The following UHRF2 variants were observed in gnomAD, a reference collection of about 807,000 sequenced individuals.
UHRF2 encodes E3 ubiquitin-protein ligase UHRF2.
Under a neutral mutation model 96.8 loss-of-function variants are expected in UHRF2, and 23 were observed. That is an observed-to-expected ratio of 0.24 (90% CI 0.17 to 0.34). The LOEUF (loss-of-function observed/expected upper bound fraction) is 0.34. UHRF2 is among the 10% of genes least tolerant of loss of function. The pLI, the probability that UHRF2 is intolerant of heterozygous loss-of-function variation, is 1.00. For synonymous variants in UHRF2, 385 were observed against 332.6 expected, an observed-to-expected ratio of 1.16 and a Z score of -1.72; for missense variants, 685 against 981.5, an observed-to-expected ratio of 0.70 and a Z score of 4.04.
intron 3 of UHRF2, among the ~76,000 whole-genome samples, chr9:6,445,130 T>TAAAAA (rs34294660): frequency 8.8e-6 from 1 of 114,136 alleles, no homozygotes; most frequent in Admixed American, 9.6e-5. Flanking sequence ...ATCTCTTATT[T>TAAAAA]AAAAAAAAAA....
chr9:6,468,407 C>A (rs1823006915), intron 4 of UHRF2: 1 of 455,618 alleles, frequency 2.2e-6, no homozygotes, highest in Non-Finnish European at 4.4e-6. Context: ...ACTAAATAGC[C>A]CGATCAAATA....
At chr9:6,471,959 C>T (rs939346444) in intron 4 of UHRF2, among the ~76,000 whole-genome samples, 38 of 152,130 alleles carry the variant, frequency 2.5e-4, no homozygotes, top group African/African-American at 9.2e-4. Flanking sequence ...AGTAAGCTTC[C>T]ATGCTGTCTT....
chr9:6,418,444 A>G (rs767841748), intron 1 of UHRF2, among the ~76,000 whole-genome samples: 2 of 151,942 alleles, frequency 1.3e-5, no homozygotes, highest in African/African-American at 2.4e-5. Context: ...CCCTTGTTCT[A>G]CTTGACAAAT....
At chr9:6,487,404 T>A (rs1311542123) in intron 9 of UHRF2, among the ~76,000 whole-genome samples, 1 of 152,030 alleles carries the variant, frequency 6.6e-6, no homozygotes, top group Non-Finnish European at 1.5e-5. Flanking sequence ...TTTACTCTTG[T>A]CACCTAGACT....
At chr9:6,481,513 A>C in intron 6 of UHRF2, 130 bp from the exon 7 acceptor site, 1 of 1,006,450 alleles carries the variant, frequency 9.9e-7, no homozygotes, top group South Asian at 2.4e-5. Flanking sequence ...TTTTAATGCC[A>C]GTTAAAGCTC....
At chr9:6,425,464 A>G (rs1375070712) in intron 2 of UHRF2, among the ~76,000 whole-genome samples, 1 of 152,046 alleles carries the variant, frequency 6.6e-6, no homozygotes, top group Non-Finnish European at 1.5e-5. Context: ...TTAATTGTCA[A>G]AGGATAGAGG....
At chr9:6,443,577 C>G (rs769793335) in intron 3 of UHRF2, among the ~76,000 whole-genome samples, 1 of 152,144 alleles carries the variant, frequency 6.6e-6, no homozygotes, top group Non-Finnish European at 1.5e-5. Flanking sequence ...CTGTTTATCT[C>G]TCTAGTCAGA....
intron 10 of UHRF2, chr9:6,496,288 C>T (rs926185484): frequency 6.6e-6 from 1 of 152,044 alleles, no homozygotes; most frequent in Non-Finnish European, 1.5e-5. Context: ...TCAGTGTTTT[C>T]TTTTCACTTA....
chr9:6,476,525 T>C (rs1466819972), intron 5 of UHRF2, among the ~76,000 whole-genome samples: 1 of 152,196 alleles, frequency 6.6e-6, no homozygotes, highest in Non-Finnish European at 1.5e-5. Flanking sequence ...TTACTTGATA[T>C]CAAATATTTG....
chr9:6,434,241 A>C (rs1820707548), intron 3 of UHRF2, 68 bp downstream of exon 3: 6 of 1,498,428 alleles, frequency 4.0e-6, no homozygotes, highest in Non-Finnish European at 4.5e-6. Context: ...CTTCTATTTC[A>C]AGATTATTTT....
At chr9:6,498,236 A>C in intron 12 of UHRF2, 78 bp downstream of exon 12, 1 of 1,463,164 alleles carries the variant, frequency 6.8e-7, no homozygotes. Context: ...TTAACACTGG[A>C]TATAACCCAC....
At chr9:6,427,178 C>G (rs994841140) in intron 2 of UHRF2, among the ~76,000 whole-genome samples, 1 of 152,014 alleles carries the variant, frequency 6.6e-6, no homozygotes, top group Non-Finnish European at 1.5e-5. Flanking sequence ...TTGCTTTTGT[C>G]TTGAATTCTT....
At chr9:6,469,115 T>TA (rs958534990) in intron 4 of UHRF2, among the ~76,000 whole-genome samples, 11 of 152,366 alleles carry the variant, frequency 7.2e-5, no homozygotes, top group African/African-American at 2.6e-4. Flanking sequence ...CTGTGATTAA[T>TA]ATGCTGAAAA....
chr9:6,489,443 C>T (rs1297711747), intron 9 of UHRF2, among the ~76,000 whole-genome samples: 1 of 152,188 alleles, frequency 6.6e-6, no homozygotes, highest in Non-Finnish European at 1.5e-5. Context: ...AGTGCAATTC[C>T]TGGGTCATAT....
chr9:6,497,663 C>G (rs1217584998), intron 11 of UHRF2, among the ~76,000 whole-genome samples: 1 of 151,334 alleles, frequency 6.6e-6, no homozygotes, highest in Non-Finnish European at 1.5e-5. Flanking sequence ...TTTTATATAT[C>G]TTTTTGAATG....
At chr9:6,432,324 T>G (rs182065867) in intron 2 of UHRF2, among the ~76,000 whole-genome samples, 1 of 152,330 alleles carries the variant, frequency 6.6e-6, no homozygotes, top group Admixed American at 6.5e-5. Context: ...TAGTTTTTGT[T>G]TAGTCTGTAT....
chr9:6,413,653 G>T lies in UHRF2; in HGVS notation c.153+10G>T. The T allele has an allele frequency of 6.5e-7, 1 of 1,547,942 alleles. No homozygotes were observed. The highest frequency in any genetic ancestry group is 8.7e-7 in the Non-Finnish European group (1 of 1,151,740). On this transcript the variant is annotated intron_variant, in intron 1 of 15. Transcript: ENST00000276893. ...CTACCGGGGCAAGCAGGTGAGGCGC[G>T]CCCGCCGCGCCCCTAGCGAGGCTGG...
chr9:6,467,595 GTTTT>G (rs34366483), intron 4 of UHRF2, among the ~76,000 whole-genome samples: 1 of 99,170 alleles, frequency 1.0e-5, no homozygotes, highest in African/African-American at 4.2e-5. Context: ...CGAGAGAATA[GTTTT>G]TTTTTTTTTT....
At chr9:6,454,002 A>G (rs1822027346) in intron 3 of UHRF2, among the ~76,000 whole-genome samples, 1 of 149,802 alleles carries the variant, frequency 6.7e-6, no homozygotes, top group Non-Finnish European at 1.5e-5. Flanking sequence ...ATTTCTGCAT[A>G]ATAAAAAAAT....
Sources: allele counts gnomAD v4.1 joint callset (sites outside exome capture counted in the v4.1 genomes callset), GRCh38; gene constraint gnomAD v4.1.1; transcripts MANE v1.5; gene names NCBI Gene and HGNC (gene_info 2026-07-23, HGNC 2026-07-21).